Variants in SIPA1L3 observed in about 807,000 individuals in gnomAD.
SIPA1L3 encodes the protein signal induced proliferation associated 1 like 3, also known as signal-induced proliferation-associated 1-like protein 3.
SIPA1L3 carries 59 observed loss-of-function variants against 150.1 expected under a neutral mutation model. The ratio of observed to expected loss-of-function variants is 0.39; its 90% CI spans 0.32 to 0.49. The LOEUF is 0.49. Ranked by LOEUF, SIPA1L3 falls within the 20% of genes least tolerant of loss-of-function variation. The pLI, the probability that SIPA1L3 is intolerant of heterozygous loss-of-function variation, is 0.86. For missense variants in SIPA1L3, 2,211 were observed against 2,489.5 expected, an observed-to-expected ratio of 0.89 and a Z score of 2.38; for synonymous variants, 1,070 against 1,077.6, an observed-to-expected ratio of 0.99 and a Z score of 0.14.
intron 2 of SIPA1L3, among the ~76,000 whole-genome samples, chr19:38,073,831 A>C (rs746337500): frequency 3.3e-5 from 5 of 152,210 alleles, no homozygotes; most frequent in Non-Finnish European, 5.9e-5. Context: ...ACGGAGTCCT[A>C]GGAGAGGACC....
At chr19:38,089,124 A>C (rs991615939) in intron 4 of SIPA1L3, among the ~76,000 whole-genome samples, 1 of 152,184 alleles carries the variant, frequency 6.6e-6, no homozygotes, top group South Asian at 2.1e-4. Context: ...GTTCAAGACC[A>C]GCCTGACCAA....
chr19:37,968,221 C>T (rs117961033), intron 1 of SIPA1L3, among the ~76,000 whole-genome samples: 85 of 152,204 alleles, frequency 5.6e-4, no homozygotes, highest in South Asian at 1.0e-3. Flanking sequence ...TACAGGCACG[C>T]GCTGCCATGC....
At chr19:38,122,336 C>T (rs1320893437) in intron 9 of SIPA1L3, among the ~76,000 whole-genome samples, 2 of 152,212 alleles carry the variant, frequency 1.3e-5, no homozygotes, top group African/African-American at 4.8e-5. Context: ...AAAAGGTCGA[C>T]TCCATCCCTC....
chr19:38,022,669 C>G (rs7254333), intron 1 of SIPA1L3, among the ~76,000 whole-genome samples: 3,097 of 152,244 alleles, frequency 0.02, 92 homozygotes, highest in African/African-American at 0.07. Context: ...GATGGTGCCA[C>G]TGCACTCCAG....
chr19:38,044,255 G>A (rs1968997698), intron 2 of SIPA1L3, among the ~76,000 whole-genome samples: 1 of 152,198 alleles, frequency 6.6e-6, no homozygotes, highest in Admixed American at 6.5e-5. Context: ...GTGCCCGTCA[G>A]ACAGCTGCGT....
chr19:38,148,499 G>C (rs1198906952), intron 12 of SIPA1L3, among the ~76,000 whole-genome samples: 1 of 152,152 alleles, frequency 6.6e-6, no homozygotes, highest in Non-Finnish European at 1.5e-5. Context: ...AGTGGAATCT[G>C]GGCAAGCAGG....
intron 1 of SIPA1L3, among the ~76,000 whole-genome samples, chr19:37,954,741 C>T (rs775214454): frequency 4.6e-5 from 7 of 152,044 alleles, no homozygotes; most frequent in African/African-American, 9.7e-5. Context: ...TCACCACCAC[C>T]GCCTGTATGT....
intron 2 of SIPA1L3, among the ~76,000 whole-genome samples, chr19:38,043,709 C>T (rs1171346647): frequency 6.6e-6 from 1 of 152,214 alleles, no homozygotes; most frequent in Non-Finnish European, 1.5e-5. Context: ...ACCTCACCAT[C>T]CGTAATCATC....
chr19:38,081,989 T>C lies in SIPA1L3; in HGVS notation c.424T>C (p.Ser142Pro). ...AGGGTCCAAAGCCTTCCACCGACTC[T>C]CCAGGAGAAGGTCCAAAGACGTGGA... ...SSGSKAFHRL[S>P]RRRSKDVEFQ... Residue 142 changes from serine (S) to proline (P), a missense_variant, in exon 3 of 22, where the codon TCC (serine) becomes CCC (proline). This residue lies in a region of SIPA1L3 where 587 missense variants were observed against 534.5 expected (regional missense o/e 1.10). Coordinates refer to ENST00000222345, the MANE Select transcript of SIPA1L3 (RefSeq NM_015073.3). The C allele has an allele frequency of 6.2e-7, 1 of 1,614,052 alleles. No homozygotes were observed. The highest frequency in any genetic ancestry group is 8.5e-7 in the Non-Finnish European group (1 of 1,179,978).
intron 2 of SIPA1L3, among the ~76,000 whole-genome samples, chr19:38,041,394 T>C (rs1378559028): frequency 6.7e-6 from 1 of 148,508 alleles, no homozygotes; most frequent in Non-Finnish European, 1.5e-5. Context: ...TTCTCCTGCC[T>C]CAGCCTCCAG....
intron 14 of SIPA1L3, among the ~76,000 whole-genome samples, chr19:38,163,260 C>T (rs532344088): frequency 5.3e-5 from 8 of 152,206 alleles, no homozygotes; most frequent in East Asian, 3.9e-4. Flanking sequence ...GAGGCCAAGG[C>T]GGACGGATCA....
chr19:38,000,985 C>CAT (rs986415898), intron 1 of SIPA1L3, among the ~76,000 whole-genome samples: 8 of 146,364 alleles, frequency 5.5e-5, no homozygotes, highest in East Asian at 1.9e-4. Flanking sequence ...ATATAACACA[C>CAT]ATATATATAA....
chr19:38,179,958 T>C (rs1177108806), intron 15 of SIPA1L3, among the ~76,000 whole-genome samples: 43 of 152,154 alleles, frequency 2.8e-4, no homozygotes, highest in Admixed American at 2.8e-3. Context: ...TTCTCCTGCC[T>C]CAGCCTCCTG....
chr19:38,202,250 A>C (rs1046027238), intron 20 of SIPA1L3, among the ~76,000 whole-genome samples: 3 of 152,218 alleles, frequency 2.0e-5, no homozygotes, highest in Admixed American at 1.3e-4. Context: ...CAGAGACGAC[A>C]CTTGAATCAA....
intron 13 of SIPA1L3, among the ~76,000 whole-genome samples, chr19:38,158,337 A>G (rs1410131115): frequency 6.6e-6 from 1 of 152,232 alleles, no homozygotes; most frequent in African/African-American, 2.4e-5. Flanking sequence ...GGAATAATGC[A>G]AAGAAGTCAG....
intron 18 of SIPA1L3, among the ~76,000 whole-genome samples, chr19:38,194,209 T>C (rs376491459): frequency 6.7e-6 from 1 of 148,924 alleles, no homozygotes; most frequent in East Asian, 2.1e-4. Context: ...TTGGGGGTGG[T>C]GCATGGTATG....
At chr19:38,087,099 A>T (rs1160301415) in intron 3 of SIPA1L3, among the ~76,000 whole-genome samples, 1 of 152,222 alleles carries the variant, frequency 6.6e-6, no homozygotes, top group African/African-American at 2.4e-5. Flanking sequence ...TTTTACAAGG[A>T]GGTGCACAGA....
intron 1 of SIPA1L3, among the ~76,000 whole-genome samples, chr19:37,937,172 TTTTTA>T (rs1361101629): frequency 6.6e-6 from 1 of 152,190 alleles, no homozygotes; most frequent in African/African-American, 2.4e-5. Context: ...CTGTATTAAC[TTTTTA>T]AAGATGGCCT....
intron 2 of SIPA1L3, among the ~76,000 whole-genome samples, chr19:38,051,555 A>G (rs1204719996): frequency 2.6e-5 from 4 of 152,126 alleles, no homozygotes; most frequent in Admixed American, 6.6e-5. Context: ...CACCAACAGA[A>G]TACAGACCTG....
Sources: gnomAD v4.1 joint callset for allele counts (sites outside exome capture counted in the v4.1 genomes callset) on GRCh38, gnomAD v4.1.1 for gene constraint, gnomAD v4.1.1 regional missense constraint, MANE v1.5 for transcripts, NCBI Gene and HGNC (gene_info 2026-07-23, HGNC 2026-07-21) for gene names.